The following SOAT1 variants were observed in gnomAD, a reference collection of about 807,000 sequenced individuals.
SOAT1 encodes the protein acyl-coenzyme A:cholesterol acyltransferase 1.
Under a neutral mutation model 69.5 loss-of-function variants are expected in SOAT1, and 55 were observed. That is an observed-to-expected ratio of 0.79 (90% CI 0.64 to 0.99). The LOEUF is 0.99. SOAT1 is among the 50% of genes least tolerant of loss of function. SOAT1 has a pLI of 0.00. For synonymous variants in SOAT1, 231 were observed against 224.7 expected, an observed-to-expected ratio of 1.03 and a Z score of -0.25; for missense variants, 580 against 669.3, an observed-to-expected ratio of 0.87 and a Z score of 1.47.
At chr1:179,313,772 C>T (rs947704185) in intron 2 of SOAT1, among the ~76,000 whole-genome samples, 2 of 152,026 alleles carry the variant, frequency 1.3e-5, no homozygotes, top group Non-Finnish European at 2.9e-5. Context: ...TTAGTAGAGA[C>T]GGGGTTTCCC....
intron 2 of SOAT1, among the ~76,000 whole-genome samples, chr1:179,309,310 C>T (rs1665139009): frequency 6.6e-6 from 1 of 152,148 alleles, no homozygotes; most frequent in Admixed American, 6.5e-5. Flanking sequence ...TCTCGAACTC[C>T]TGACCTAGTG....
At position 179,343,524 on chromosome 1, in the gene SOAT1, T is replaced by C. The variant is rs371092449; in HGVS notation, c.942-66T>C. The C allele has an allele frequency of 1.2e-4, 167 of 1,400,264 alleles. 2 individuals carry two copies. The African/African-American group carries it at 2.2e-3, about 18-fold the overall frequency. The allele number at this position is 1,400,264 out of a possible 1,614,324, so 86.7% of individuals were successfully genotyped here. On this transcript the variant is annotated intron_variant, in intron 9 of 15. Coordinates refer to ENST00000367619, the MANE Select transcript of SOAT1 (RefSeq NM_003101.6). Reference sequence around the variant, plus strand: ...GCGCCTGACCAAAAAACATTAATTGTGAGGGTCTTTATTCAAGTTCAATTA... The same window carrying C: ...GCGCCTGACCAAAAAACATTAATTGCGAGGGTCTTTATTCAAGTTCAATTA...
intron 1 of SOAT1, among the ~76,000 whole-genome samples, chr1:179,299,778 G>A (rs192315679): frequency 0.12 from 10,563 of 89,208 alleles, 600 homozygotes; most frequent in Middle Eastern, 0.27. Flanking sequence ...TTTTGAGACG[G>A]AGTCTTGCTC....
In SOAT1 at chr1:179,354,403, T is replaced by C. The variant is rs1301689134; in HGVS notation, c.*762T>C. 1 of 152,382 alleles carries C rather than the reference T, an allele frequency of 6.6e-6. No individual in the cohort carries two copies. The highest frequency in any genetic ancestry group is 2.4e-5 in the African/African-American group (1 of 41,468). The allele number at this position is 152,382 out of a possible 1,614,324, so 9.4% of individuals were successfully genotyped here. A position where few individuals can be genotyped will look rare whatever the true frequency, so the allele number is the denominator to read the frequency against. On this transcript the variant is annotated 3_prime_UTR_variant, in exon 16 of 16. Transcript: ENST00000367619. ...GAAAAACATTTCCTCTTATAACTTC[T>C]GAAGTAATTTGTAAAAAAGATTTGT... is the stretch of plus-strand genomic sequence containing the variant.
rs71901753 is a variant in SOAT1 at position 179,351,721 on chromosome 1, A to ATT, written c.1596+274_1596+275dup. Among the ~76,000 whole-genome samples, 8 of 106,468 alleles carry ATT rather than the reference A, an allele frequency of 7.5e-5. 1 individual carries two copies. The highest frequency in any genetic ancestry group is 2.8e-4 in the African/African-American group (7 of 25,112). The allele number at this position is 106,468 out of a possible 152,430, so 69.8% of individuals were successfully genotyped here. ...ACTGCCTTTTCTTCAGCCCCTTCTAATTTTTTTTTTTTTTTTGAGACAGAG... is the reference window on the plus strand; with the variant it reads ...ACTGCCTTTTCTTCAGCCCCTTCTAATTTTTTTTTTTTTTTTTTGAGACAGAG... On this transcript the variant is annotated intron_variant, in intron 15 of 15. Transcript: ENST00000367619.
At chr1:179,308,098 G>T (rs928640090) in intron 2 of SOAT1, among the ~76,000 whole-genome samples, 4 of 152,124 alleles carry the variant, frequency 2.6e-5, no homozygotes, top group Admixed American at 6.5e-5. Flanking sequence ...CCTCATTAAG[G>T]TATTATCTTA....
chr1:179,300,871 G>A (rs1035168578), intron 1 of SOAT1, among the ~76,000 whole-genome samples: 6 of 152,018 alleles, frequency 3.9e-5, no homozygotes, highest in African/African-American at 9.7e-5. Flanking sequence ...TGAGGCGGGC[G>A]GATAACTTGA....
At chr1:179,320,454 A>G (rs1057323096) in intron 2 of SOAT1, among the ~76,000 whole-genome samples, 1 of 150,772 alleles carries the variant, frequency 6.6e-6, no homozygotes, top group Admixed American at 6.6e-5. Flanking sequence ...TTTTTTTTTC[A>G]TGATTTGTAT....
intron 1 of SOAT1, 142 bp from the exon 2 acceptor site, chr1:179,302,535 T>C: frequency 2.1e-6 from 1 of 487,224 alleles, no homozygotes; most frequent in Non-Finnish European, 3.6e-6. Flanking sequence ...CTGCCATGAT[T>C]GTAAGTTTCC....
intron 3 of SOAT1, among the ~76,000 whole-genome samples, chr1:179,324,912 C>T (rs550901557): frequency 1.3e-4 from 20 of 152,042 alleles, no homozygotes; most frequent in Non-Finnish European, 1.8e-4. Context: ...AAGGAATTCT[C>T]CTGCCTCAGC....
At position 179,344,352 on chromosome 1, in the gene SOAT1, GGTTTTTTTTTTTT is replaced by G. The variant is rs1396300225; in HGVS notation, c.988-594_988-582del. Among the ~76,000 whole-genome samples, 929 of 120,490 alleles carry G rather than the reference GGTTTTTTTTTTTT, an allele frequency of 7.7e-3. 113 individuals are homozygous for G. Among genetic ancestry groups the G allele is most frequent in the East Asian group, 0.024 (97 of 4,012 alleles). 79.0% of individuals were successfully genotyped at this position (120,490 alleles called of 152,430 possible). On this transcript the variant is annotated intron_variant, in intron 10 of 15. Transcript: ENST00000367619. ...TATGAAGTAAGTTCTTTCATTAAGG[GGTTTTTTTTTTTT>G]TTTTTTTTTTTTTTTTTTTTTTTTT... is the stretch of plus-strand genomic sequence containing the variant.
intron 3 of SOAT1, among the ~76,000 whole-genome samples, chr1:179,326,223 CTCTT>C (rs1416881878): frequency 2.0e-5 from 3 of 152,178 alleles, no homozygotes; most frequent in East Asian, 3.8e-4. Flanking sequence ...CTTCATGTAG[CTCTT>C]TCTATCTGAA....
At chr1:179,302,025 CTTTT>C (rs5779019) in intron 1 of SOAT1, among the ~76,000 whole-genome samples, 1 of 141,924 alleles carries the variant, frequency 7.0e-6, no homozygotes. Context: ...CTATTTAATC[CTTTT>C]TTTTTTTTTT....
At chr1:179,298,177 G>A (rs953140252) in intron 1 of SOAT1, among the ~76,000 whole-genome samples, 9 of 151,480 alleles carry the variant, frequency 5.9e-5, no homozygotes, top group African/African-American at 1.5e-4. Flanking sequence ...CTCCACCTCC[G>A]GGTTCAAGCG....
rs554701920 is a variant in SOAT1 at position 179,356,524 on chromosome 1, T to G, written c.*2883T>G. On this transcript the variant is annotated 3_prime_UTR_variant, in exon 16 of 16. Transcript: ENST00000367619. ...GTCTTGTTCTGTCGCCCAGGCCAGT[T>G]TTTTTTTTCTTGTACAGATGGGGTT... 42 of 64,768 alleles carry G rather than the reference T, an allele frequency of 6.5e-4. No homozygotes were observed. The highest frequency in any genetic ancestry group is 5.1e-3 in the Admixed American group (29 of 5,708). The allele number at this position is 64,768 out of a possible 1,614,324, so 4.0% of individuals were successfully genotyped here.
chr1:179,317,231 T>C (rs1665424452), intron 2 of SOAT1, among the ~76,000 whole-genome samples: 1 of 152,124 alleles, frequency 6.6e-6, no homozygotes, highest in Non-Finnish European at 1.5e-5. Flanking sequence ...TTGTCAATGC[T>C]GAAATAAAAA....
intron 1 of SOAT1, among the ~76,000 whole-genome samples, chr1:179,302,431 A>G (rs1664863065): frequency 6.6e-6 from 1 of 152,034 alleles, no homozygotes; most frequent in Non-Finnish European, 1.5e-5. Flanking sequence ...ATAGTGAGGG[A>G]GTTCTCATGA....
chr1:179,352,041 C>T (rs1035987380), intron 15 of SOAT1, among the ~76,000 whole-genome samples: 1 of 151,736 alleles, frequency 6.6e-6, no homozygotes, highest in Admixed American at 6.6e-5. Context: ...TTTCCTAATG[C>T]CATGTATGTC....
intron 3 of SOAT1, among the ~76,000 whole-genome samples, chr1:179,327,079 TCTTA>T (rs1443452513): frequency 6.6e-6 from 1 of 152,222 alleles, no homozygotes; most frequent in African/African-American, 2.4e-5. Flanking sequence ...ATATACACAA[TCTTA>T]CTTACTTACA....
Sources: gnomAD v4.1 joint callset for allele counts (sites outside exome capture counted in the v4.1 genomes callset) on GRCh38, gnomAD v4.1.1 for gene constraint, MANE v1.5 for transcripts, NCBI Gene and HGNC (gene_info 2026-07-23, HGNC 2026-07-21) for gene names.